TGFBR3: variants seen among roughly 807,000 people sequenced by gnomAD.
TGFBR3 encodes transforming growth factor beta receptor type 3.
Under a neutral mutation model 87.9 loss-of-function variants are expected in TGFBR3, and 46 were observed. The ratio of observed to expected loss-of-function variants is 0.52; its 90% confidence interval spans 0.41 to 0.67. The LOEUF (loss-of-function observed/expected upper bound fraction) is 0.67. Among genes scored for constraint, TGFBR3 ranks in the 30% least tolerant of loss-of-function variants. The probability of loss-of-function intolerance (pLI) is 0.00; values close to 1 mark genes in which losing one functional copy is unlikely to be tolerated. For synonymous variants in TGFBR3, 381 were observed against 391.6 expected, an observed-to-expected ratio of 0.97 and a Z score of 0.32; for missense variants, 866 against 1,041.9, an observed-to-expected ratio of 0.83 and a Z score of 2.32.
rs1480072985 is a variant in TGFBR3 at position 91,886,071 on chromosome 1, G to C, written c.-307C>G. ...CGGGAATCGCGCAGGGAAAGTGGCC[G>C]GGGCGCGAGAGCCGCCGACTGCCCT... is the stretch of plus-strand genomic sequence containing the variant. On this transcript the variant is annotated 5_prime_UTR_variant, in exon 1 of 17. Coordinates refer to ENST00000212355, the MANE Select transcript of TGFBR3 (RefSeq NM_003243.5). The C allele has an allele frequency of 1.5e-4, 67 of 453,956 alleles. No homozygotes were observed. Among genetic ancestry groups the C allele is most frequent in the East Asian group, 6.9e-5 (1 of 14,392 alleles). The allele number at this position is 453,956 out of a possible 1,614,324, so 28.1% of individuals were successfully genotyped here.
At chr1:91,809,955 C>T (rs1571533379) in intron 2 of TGFBR3, among the ~76,000 whole-genome samples, 2 of 152,236 alleles carry the variant, frequency 1.3e-5, no homozygotes, top group South Asian at 4.2e-4. Flanking sequence ...CAGTTACAGG[C>T]CCATCAAGCA....
At chr1:91,793,860 G>A (rs968954158) in intron 3 of TGFBR3, among the ~76,000 whole-genome samples, 1 of 150,496 alleles carries the variant, frequency 6.6e-6, no homozygotes, top group East Asian at 1.9e-4. Flanking sequence ...GCTGCCTCTG[G>A]CCCTCCTACT....
At chr1:91,811,888 CTT>C (rs754451265) in intron 2 of TGFBR3, among the ~76,000 whole-genome samples, 16 of 141,414 alleles carry the variant, frequency 1.1e-4, no homozygotes, top group Admixed American at 2.1e-4. Flanking sequence ...GCTGATTTCC[CTT>C]TTTTTTTTTT....
chr1:91,682,904 T>C lies in TGFBR3; in HGVS notation c.*835A>G, dbSNP rs1423686459. 2 of 453,328 alleles carry C rather than the reference T, an allele frequency of 4.4e-6. No homozygotes were observed. The highest frequency in any genetic ancestry group is 4.7e-5 in the Admixed American group (2 of 42,550). 28.1% of individuals were successfully genotyped at this position (453,328 alleles called of 1,614,324 possible). A position where few individuals can be genotyped will look rare whatever the true frequency, so the allele number is the denominator to read the frequency against. On this transcript the variant is annotated 3_prime_UTR_variant, in exon 17 of 17. Coordinates refer to ENST00000212355, the MANE Select transcript of TGFBR3 (RefSeq NM_003243.5). Reference sequence around the variant, plus strand: ...TTCGTCCTTGACTTTATAACTGAATTTCACCTCAAATTATACATTAATTTG... The same window carrying C: ...TTCGTCCTTGACTTTATAACTGAATCTCACCTCAAATTATACATTAATTTG...
At chr1:91,852,378 G>C (rs998826355) in intron 2 of TGFBR3, among the ~76,000 whole-genome samples, 1 of 152,162 alleles carries the variant, frequency 6.6e-6, no homozygotes, top group Admixed American at 6.5e-5. Context: ...CTCAACTCCC[G>C]TGTGTGTGTA....
chr1:91,831,304 G>A (rs1268095562), intron 2 of TGFBR3, among the ~76,000 whole-genome samples: 1 of 152,108 alleles, frequency 6.6e-6, no homozygotes, highest in Non-Finnish European at 1.5e-5. Flanking sequence ...GCCCAAGGAA[G>A]CTGTAAAATA....
chr1:91,721,997 C>T lies in TGFBR3; in HGVS notation c.1033G>A (p.Ala345Thr). 1 of 1,613,404 alleles carries T rather than the reference C, an allele frequency of 6.2e-7. No homozygotes were observed. The highest frequency in any genetic ancestry group is 1.1e-5 in the South Asian group (1 of 90,916). The change falls in exon 8 of 17, where the codon GCT becomes ACT. Residue 345 changes from alanine (A) to threonine (T), a missense_variant. Physicochemically the swap from Ala to Thr is moderately conservative, Grantham distance 58. Transcript: ENST00000212355. ...AGATGAAATCTATTAGCCACAGGAG[C>T]CATTGTGTATGAAGTTATTGGACTA... ...GYSPITSYTM[A>T]PVANRFHLRL...
chr1:91,803,982 T>C (rs1675740391), intron 2 of TGFBR3, among the ~76,000 whole-genome samples: 1 of 152,128 alleles, frequency 6.6e-6, no homozygotes. Context: ...ACCCAACCAC[T>C]CTGTCTGCTG....
At chr1:91,759,136 T>TC (rs1464561273) in intron 3 of TGFBR3, among the ~76,000 whole-genome samples, 7 of 151,956 alleles carry the variant, frequency 4.6e-5, no homozygotes, top group Non-Finnish European at 2.9e-5. Flanking sequence ...GAAAACAAAA[T>TC]CCCCTTGGGG....
intron 3 of TGFBR3, among the ~76,000 whole-genome samples, chr1:91,774,489 GT>G (rs112383842): frequency 2.6e-5 from 4 of 151,900 alleles, no homozygotes; most frequent in South Asian, 4.2e-4. Context: ...AGATGAGCAG[GT>G]TTTTTTTATT....
At chr1:91,783,004 T>C (rs909259881) in intron 3 of TGFBR3, among the ~76,000 whole-genome samples, 5 of 152,206 alleles carry the variant, frequency 3.3e-5, no homozygotes, top group Non-Finnish European at 7.3e-5. Flanking sequence ...AAATTCAAAA[T>C]GGATCAGATG....
rs1571399416 is a variant in TGFBR3 at position 91,680,581 on chromosome 1, T to C, written c.*3158A>G. ...CAGGAAAAACCAGAAGAGAGAAGTA[T>C]TGTATTTGGAAACTGATAATAGTCC... is the stretch of plus-strand genomic sequence containing the variant. On this transcript the variant is annotated 3_prime_UTR_variant, in exon 17 of 17. Transcript: ENST00000212355. 1 of 453,916 alleles carries C rather than the reference T, an allele frequency of 2.2e-6. No individual in the cohort carries two copies. Among genetic ancestry groups the C allele is most frequent in the Middle Eastern group, 6.9e-4 (1 of 1,444 alleles). 28.1% of individuals were successfully genotyped at this position (453,916 alleles called of 1,614,324 possible).
intron 2 of TGFBR3, among the ~76,000 whole-genome samples, chr1:91,897,406 A>G (rs1262600798): frequency 3.9e-5 from 6 of 152,224 alleles, no homozygotes; most frequent in African/African-American, 1.4e-4. Context: ...CTCATGTACA[A>G]ACACAAGAAA....
chr1:91,807,388 C>T (rs1396509548), intron 2 of TGFBR3, among the ~76,000 whole-genome samples: 1 of 152,224 alleles, frequency 6.6e-6, no homozygotes, highest in East Asian at 1.9e-4. Context: ...GCAAAATCTA[C>T]ATCCAAACCT....
intron 3 of TGFBR3, among the ~76,000 whole-genome samples, chr1:91,761,414 T>C (rs1436337288): frequency 6.6e-6 from 1 of 152,122 alleles, no homozygotes; most frequent in East Asian, 1.9e-4. Context: ...CCAAGATGAA[T>C]CTCTGACTCT....
chr1:91,700,667 A>G (rs1389918715), intron 14 of TGFBR3, among the ~76,000 whole-genome samples: 3 of 152,224 alleles, frequency 2.0e-5, no homozygotes, highest in African/African-American at 7.2e-5. Flanking sequence ...TTCAGTATGC[A>G]GAACACACAC....
chr1:91,895,145 C>G (rs935823160), intron 2 of TGFBR3, among the ~76,000 whole-genome samples: 1 of 152,144 alleles, frequency 6.6e-6, no homozygotes. Context: ...ATCTCATGTT[C>G]AATTGTAATC....
intron 16 of TGFBR3, among the ~76,000 whole-genome samples, chr1:91,689,695 A>C (rs1264697000): frequency 6.6e-6 from 1 of 152,174 alleles, no homozygotes; most frequent in Non-Finnish European, 1.5e-5. Context: ...CTGAATCAAG[A>C]AAGCAAGCCT....
upstream of TGFBR3, chr1:91,886,368 A>T: frequency 2.8e-6 from 1 of 353,334 alleles, no homozygotes; most frequent in South Asian, 2.1e-5. Context: ...TGAGCCCCGA[A>T]TGCTGCTCGA....
Sources: allele counts gnomAD v4.1 joint callset (sites outside exome capture counted in the v4.1 genomes callset), GRCh38; gene constraint gnomAD v4.1.1; transcripts MANE v1.5; gene names NCBI Gene and HGNC (gene_info 2026-07-23, HGNC 2026-07-21).